Variants in SSH2 observed in about 807,000 individuals in gnomAD.
The protein encoded by SSH2 is protein phosphatase Slingshot homolog 2.
A neutral mutation model predicts 135.2 loss-of-function variants in SSH2; 37 were observed. The observed-to-expected ratio is 0.27, with a 90% CI of 0.21 to 0.36. The LOEUF is 0.36. Among genes scored for constraint, SSH2 ranks in the 10% least tolerant of loss-of-function variants. The pLI, the probability that SSH2 is intolerant of heterozygous loss-of-function variation, is 1.00. For missense variants in SSH2, 1,408 were observed against 1,765.3 expected (o/e 0.80, Z 3.63); for synonymous variants, 628 against 646.2 (o/e 0.97, Z 0.43).
chr17:29,702,013 C>T (rs181245367), intron 4 of SSH2, among the ~76,000 whole-genome samples: 2,155 of 151,166 alleles, frequency 0.014, 33 homozygotes, highest in South Asian at 0.047. Flanking sequence ...CATCTGTGAG[C>T]CAATGTGCCT....
At chr17:29,891,963 C>G (rs2066357607) in intron 1 of SSH2, among the ~76,000 whole-genome samples, 1 of 151,786 alleles carries the variant, frequency 6.6e-6, no homozygotes, top group African/African-American at 2.4e-5. Flanking sequence ...AAGAAAGAAG[C>G]TTTATAAAAT....
At chr17:29,684,820 A>C in intron 5 of SSH2, 136 bp from the exon 6 acceptor site, 2 of 714,808 alleles carry the variant, frequency 2.8e-6, no homozygotes, top group Non-Finnish European at 2.1e-6. Flanking sequence ...ATAAATTAAA[A>C]TCTCAGCTCG....
intron 3 of SSH2, among the ~76,000 whole-genome samples, chr17:29,711,845 C>T (rs1221095392): frequency 1.3e-5 from 2 of 152,200 alleles, no homozygotes; most frequent in African/African-American, 4.8e-5. Flanking sequence ...TCTGCTCCTG[C>T]TCCCTGGTCT....
At chr17:29,926,276 T>C (rs1186397463) in intron 1 of SSH2, among the ~76,000 whole-genome samples, 3 of 151,688 alleles carry the variant, frequency 2.0e-5, no homozygotes, top group Admixed American at 1.3e-4. Flanking sequence ...TGGTGGCTCA[T>C]GCCTGTAATC....
At chr17:29,847,683 A>T (rs1737941045) in intron 2 of SSH2, among the ~76,000 whole-genome samples, 1 of 152,214 alleles carries the variant, frequency 6.6e-6, no homozygotes, top group Non-Finnish European at 1.5e-5. Context: ...TGCTGAACAA[A>T]GTAGGATCTG....
chr17:29,851,307 TAG>T (rs2065554149), intron 1 of SSH2, among the ~76,000 whole-genome samples: 1 of 151,934 alleles, frequency 6.6e-6, no homozygotes, highest in Non-Finnish European at 1.5e-5. Context: ...GTATAAAAAC[TAG>T]AGAGAGGCTG....
chr17:29,650,546 C>T, intron 13 of SSH2, 108 bp downstream of exon 13: 2 of 1,102,350 alleles, frequency 1.8e-6, no homozygotes, highest in East Asian at 2.7e-5. Context: ...TCCTTAGTTC[C>T]TTTTTCCTGA....
intron 12 of SSH2, among the ~76,000 whole-genome samples, chr17:29,651,822 T>C (rs1383633867): frequency 6.6e-6 from 1 of 151,600 alleles, no homozygotes; most frequent in East Asian, 2.1e-4. Context: ...AGCCCATTAC[T>C]ACAAATTTTT....
chr17:29,892,077 T>A (rs946956261), intron 1 of SSH2, among the ~76,000 whole-genome samples: 4 of 152,122 alleles, frequency 2.6e-5, no homozygotes, highest in African/African-American at 9.7e-5. Flanking sequence ...TTTCTTTTTT[T>A]ATTAAAAAGA....
At chr17:29,893,297 G>A (rs905968680) in intron 1 of SSH2, among the ~76,000 whole-genome samples, 2 of 149,378 alleles carry the variant, frequency 1.3e-5, no homozygotes, top group African/African-American at 4.9e-5. Flanking sequence ...CAAAAAAAAA[G>A]GGGGGGTGGG....
chr17:29,757,006 G>A (rs1567952254), intron 3 of SSH2, among the ~76,000 whole-genome samples: 1 of 152,118 alleles, frequency 6.6e-6, no homozygotes, highest in Non-Finnish European at 1.5e-5. Context: ...AAATGAGAAA[G>A]GGCAAAAAGC....
At chr17:29,668,627 CT>C (rs2037368207) in intron 9 of SSH2, among the ~76,000 whole-genome samples, 1 of 152,034 alleles carries the variant, frequency 6.6e-6, no homozygotes, top group South Asian at 2.1e-4. Context: ...CCCACAGCTA[CT>C]TGGGAGGCTG....
chr17:29,887,037 G>C (rs1373253295), intron 1 of SSH2, among the ~76,000 whole-genome samples: 3 of 152,098 alleles, frequency 2.0e-5, no homozygotes, highest in African/African-American at 7.2e-5. Context: ...AGATTGACCA[G>C]AGCCAGAGTT....
intron 3 of SSH2, among the ~76,000 whole-genome samples, chr17:29,774,876 T>C (rs1283484529): frequency 6.6e-6 from 1 of 152,174 alleles, no homozygotes; most frequent in African/African-American, 2.4e-5. Context: ...GTTTGACTTG[T>C]GTTTCACCTT....
chr17:29,842,884 TA>T (rs2043067785), intron 2 of SSH2, among the ~76,000 whole-genome samples: 1 of 152,238 alleles, frequency 6.6e-6, no homozygotes, highest in Non-Finnish European at 1.5e-5. Context: ...CAAGTAATCC[TA>T]AACTCCTGTG....
Position 29,630,993 on chromosome 17 carries a change from C to G in SSH2, c.4201G>C (p.Val1401Leu). 1.2e-6 allele frequency: 2 copies of G among 1,613,876 alleles called. No individual in the cohort carries two copies. Among genetic ancestry groups the G allele is most frequent in the Non-Finnish European group, 1.7e-6 (2 of 1,179,776 alleles). ...ELTSSEGGLP[V>L]LQTQGLQCAC... ...CACTGCAGTCCCTGGGTCTGTAGCA[C>G]GGGAAGGCCTCCTTCAGAACTAGTC... is the stretch of plus-strand genomic sequence containing the variant. Residue 1401 changes from valine to leucine, a missense_variant, in exon 16 of 16, where the codon GTG becomes CTG. Physicochemically the swap from Val to Leu is conservative, Grantham distance 32. Transcript: ENST00000540801.
At chr17:29,644,810 A>G (rs1386636135) in intron 14 of SSH2, 1 of 151,902 alleles carries the variant, frequency 6.6e-6, no homozygotes, top group Non-Finnish European at 1.5e-5. Context: ...AAATAAATAA[A>G]TAAATAAATA....
At chr17:29,829,572 A>G (rs2042804596) in intron 2 of SSH2, among the ~76,000 whole-genome samples, 1 of 151,778 alleles carries the variant, frequency 6.6e-6, no homozygotes. Context: ...TCCTTGCCTG[A>G]CCTCTTTCTT....
At chr17:29,641,365 C>T (rs1335837668) in intron 14 of SSH2, among the ~76,000 whole-genome samples, 4 of 152,208 alleles carry the variant, frequency 2.6e-5, no homozygotes, top group East Asian at 1.9e-4. Context: ...ACTCGGCCGA[C>T]TCCCCACCTC....
Sources: allele counts gnomAD v4.1 joint callset (sites outside exome capture counted in the v4.1 genomes callset), GRCh38; gene constraint gnomAD v4.1.1; transcripts MANE v1.5; gene names NCBI Gene and HGNC (gene_info 2026-07-23, HGNC 2026-07-21).